The following HSF2BP variants were observed in gnomAD, a reference collection of about 807,000 sequenced individuals.
HSF2BP encodes the protein heat shock transcription factor 2 binding protein, also known as heat shock factor 2-binding protein.
Under a neutral mutation model 35.0 loss-of-function variants are expected in HSF2BP, and 35 were observed. The ratio of observed to expected loss-of-function variants is 1.00; its 90% CI spans 0.76 to 1.32. The LOEUF (loss-of-function observed/expected upper bound fraction) is 1.32, where lower values mean the gene tolerates loss of function less well. Ranked by LOEUF, HSF2BP falls within the 40% of genes most tolerant of loss-of-function variation. The probability of loss-of-function intolerance (pLI) is 0.00; values close to 1 mark genes in which losing one functional copy is unlikely to be tolerated. For missense variants in HSF2BP, 326 were observed against 321.7 expected (o/e 1.01, Z -0.10); for synonymous variants, 114 against 117.4 (o/e 0.97, Z 0.18).
At chr21:43,593,153 G>A (rs1181400707) in intron 7 of HSF2BP, among the ~76,000 whole-genome samples, 4 of 152,202 alleles carry the variant, frequency 2.6e-5, no homozygotes, top group Admixed American at 2.6e-4. Context: ...TAGAGCTTCA[G>A]TTACAGTGGC....
intron 8 of HSF2BP, among the ~76,000 whole-genome samples, chr21:43,588,762 G>A (rs985121176): frequency 1.2e-4 from 18 of 152,132 alleles, no homozygotes; most frequent in East Asian, 1.9e-4. Context: ...CTCACGGCCC[G>A]TAACAACCAG....
chr21:43,616,052 AATAT>A (rs1555868378), intron 6 of HSF2BP, among the ~76,000 whole-genome samples: 1 of 143,974 alleles, frequency 6.9e-6, no homozygotes, highest in Non-Finnish European at 1.5e-5. Context: ...AAAAAAAAAA[AATAT>A]ATATATATAT....
intron 8 of HSF2BP, among the ~76,000 whole-genome samples, chr21:43,580,150 C>A (rs905761846): frequency 3.3e-5 from 5 of 152,222 alleles, no homozygotes; most frequent in African/African-American, 1.2e-4. Flanking sequence ...CTCCCAAACC[C>A]ATGTCACTAG....
chr21:43,593,346 G>C (rs956390909), intron 7 of HSF2BP, among the ~76,000 whole-genome samples: 3 of 152,150 alleles, frequency 2.0e-5, no homozygotes, highest in African/African-American at 7.2e-5. Context: ...AGCTCCCCCA[G>C]CTTCCTGGAC....
intron 6 of HSF2BP, 121 bp from the exon 7 acceptor site, chr21:43,614,068 T>C (rs1310010414): frequency 1.4e-6 from 1 of 726,178 alleles, no homozygotes; most frequent in Non-Finnish European, 2.3e-6. Flanking sequence ...AAATGAGGCA[T>C]TTATAAATGA....
At chr21:43,647,485 C>T (rs1476134286) in intron 3 of HSF2BP, among the ~76,000 whole-genome samples, 1 of 152,122 alleles carries the variant, frequency 6.6e-6, no homozygotes, top group East Asian at 1.9e-4. Context: ...CCCATCTTGG[C>T]CTCCCAAAGT....
chr21:43,608,303 A>G (rs1486091822), intron 7 of HSF2BP, among the ~76,000 whole-genome samples: 3 of 152,206 alleles, frequency 2.0e-5, no homozygotes, highest in African/African-American at 7.2e-5. Context: ...AAGAACAGAC[A>G]CTTCTTAAAA....
chr21:43,594,395 G>C (rs2081960817), intron 7 of HSF2BP, among the ~76,000 whole-genome samples: 1 of 152,188 alleles, frequency 6.6e-6, no homozygotes, highest in Admixed American at 6.5e-5. Flanking sequence ...CTTTTCAACA[G>C]AGCTAAGATA....
At chr21:43,613,197 C>T (rs2082230626) in intron 7 of HSF2BP, among the ~76,000 whole-genome samples, 1 of 152,198 alleles carries the variant, frequency 6.6e-6, no homozygotes, top group Non-Finnish European at 1.5e-5. Flanking sequence ...ATTCAATGAG[C>T]GACTGTGGCT....
intron 3 of HSF2BP, among the ~76,000 whole-genome samples, chr21:43,655,111 G>C (rs905216434): frequency 6.6e-6 from 1 of 152,208 alleles, no homozygotes; most frequent in Non-Finnish European, 1.5e-5. Context: ...ACTAACTCAT[G>C]AGACCCTGAT....
At chr21:43,578,266 G>C (rs2081671037) in intron 8 of HSF2BP, among the ~76,000 whole-genome samples, 1 of 152,038 alleles carries the variant, frequency 6.6e-6, no homozygotes, top group Non-Finnish European at 1.5e-5. Flanking sequence ...ATCCTTCAGA[G>C]AGACTTACAA....
chr21:43,459,628 T>C, the HSF2BP span, among the ~76,000 whole-genome samples: 2 of 54,002 alleles, frequency 3.7e-5, no homozygotes, highest in Non-Finnish European at 7.0e-5. Flanking sequence ...TTTCTGCTTT[T>C]CAGGTCATGT....
At chr21:43,575,601 A>G (rs1328584446) in intron 8 of HSF2BP, among the ~76,000 whole-genome samples, 1 of 152,234 alleles carries the variant, frequency 6.6e-6, no homozygotes, top group Non-Finnish European at 1.5e-5. Flanking sequence ...GAAAGTCTTT[A>G]GCCCAAAAGA....
At chr21:43,621,462 G>A (rs1299178566) in intron 6 of HSF2BP, among the ~76,000 whole-genome samples, 1 of 152,082 alleles carries the variant, frequency 6.6e-6, no homozygotes, top group Non-Finnish European at 1.5e-5. Context: ...GGGAGTGGAA[G>A]GCTGCAGTGA....
At chr21:43,593,448 C>T (rs926498852) in intron 7 of HSF2BP, among the ~76,000 whole-genome samples, 4 of 151,998 alleles carry the variant, frequency 2.6e-5, no homozygotes, top group Admixed American at 6.6e-5. Flanking sequence ...CATAATATGA[C>T]GCATGAGAAA....
chr21:43,576,521 G>C (rs2081646388), intron 8 of HSF2BP, among the ~76,000 whole-genome samples: 1 of 152,184 alleles, frequency 6.6e-6, no homozygotes, highest in Non-Finnish European at 1.5e-5. Flanking sequence ...TTCCATTGCT[G>C]TTCATGACAA....
At chr21:43,643,252 A>ATAT (rs2082663187) in intron 4 of HSF2BP, among the ~76,000 whole-genome samples, 1 of 152,074 alleles carries the variant, frequency 6.6e-6, no homozygotes, top group Non-Finnish European at 1.5e-5. Flanking sequence ...CAACTATAAG[A>ATAT]TATTATGTAC....
At chr21:43,507,162 G>T in the HSF2BP span, among the ~76,000 whole-genome samples, 11 of 130,150 alleles carry the variant, frequency 8.5e-5, 3 homozygotes, top group Admixed American at 8.2e-4. Context: ...GGAATTAAAA[G>T]AAATTAAAGA....
chr21:43,634,753 T>C (rs1447047516), intron 4 of HSF2BP, among the ~76,000 whole-genome samples: 1 of 152,238 alleles, frequency 6.6e-6, no homozygotes, highest in East Asian at 1.9e-4. Context: ...TACTGCATCA[T>C]GTGATCTGTC....
Sources: gnomAD v4.1 joint callset for allele counts (sites outside exome capture counted in the v4.1 genomes callset) on GRCh38, gnomAD v4.1.1 for gene constraint, MANE v1.5 for transcripts, NCBI Gene and HGNC (gene_info 2026-07-23, HGNC 2026-07-21) for gene names.